Variants in USP6 observed in about 807,000 individuals in gnomAD.
USP6 encodes the protein ubiquitin specific peptidase 6, also known as ubiquitin carboxyl-terminal hydrolase 6.
A neutral mutation model predicts 175.7 loss-of-function variants in USP6; 128 were observed. The ratio of observed to expected loss-of-function variants is 0.73; its 90% CI spans 0.63 to 0.84. The LOEUF is 0.84. Among genes scored for constraint, USP6 ranks in the 40% least tolerant of loss-of-function variants. The pLI is 0.00. For synonymous variants in USP6, 562 were observed against 630.6 expected, an observed-to-expected ratio of 0.89 and a Z score of 1.63; for missense variants, 1,498 against 1,760.3, an observed-to-expected ratio of 0.85 and a Z score of 2.67.
chr17:5,159,084 C>T (rs1227927380), intron 31 of USP6, among the ~76,000 whole-genome samples: 1 of 152,022 alleles, frequency 6.6e-6, no homozygotes, highest in Non-Finnish European at 1.5e-5. Flanking sequence ...ATTAAATGGA[C>T]AAAATCCTGG....
rs1344535109 is a variant in USP6 at position 5,155,428 on chromosome 17, A to G, written c.2650A>G (p.Thr884Ala). 6.2e-7 allele frequency: 1 copy of G among 1,613,980 alleles called. No individual in the cohort carries two copies. The highest frequency in any genetic ancestry group is 1.1e-5 in the South Asian group (1 of 91,042). Residue 884 changes from threonine (T) to alanine (A), a missense_variant, in exon 31 of 38, where the codon ACA (threonine) becomes GCA (alanine). Around this residue, in one of 2 missense-constraint regions of USP6, gnomAD observed 1,217 missense variants for 1,500.8 expected, o/e 0.81. Transcript: ENST00000574788. ...TTCTCGTTTGTACATACAGATGAGG[A>G]CAGAACTGTATTTCCTGTCACCTCA... ...IIAVHRKMMR[T>A]ELYFLSPQEN...
chr17:5,130,835 C>T (rs1373403996), intron 11 of USP6, 151 bp downstream of exon 11: 3 of 1,208,852 alleles, frequency 2.5e-6, no homozygotes, highest in South Asian at 2.6e-5. Context: ...CCTGGCTCCC[C>T]TGCAGGTCCA....
Position 5,147,067 on chromosome 17 carries a change from G to A in USP6, c.2320-16G>A, listed in dbSNP as rs1242666528. ...TGAAACATCTCCCCCTTCTCATCTT[G>A]CTGCTGTTTCTGTAGAACTTTCCTC... On this transcript the variant is annotated splice_polypyrimidine_tract_variant and intron_variant, in intron 28 of 37. Transcript: ENST00000574788. 5 of 1,601,756 alleles carry A rather than the reference G, an allele frequency of 3.1e-6. No homozygotes were observed. In the South Asian group the frequency reaches 5.6e-5, roughly 18 times the overall value.
At position 5,142,112 on chromosome 17, in the gene USP6, C is replaced by T; in HGVS notation, c.1683C>T (p.Ile561=). The T allele has an allele frequency of 6.2e-7, 1 of 1,613,384 alleles. No individual in the cohort carries two copies. Among genetic ancestry groups the T allele is most frequent in the Non-Finnish European group, 8.5e-7 (1 of 1,179,702 alleles). ...SNTQPLTQYF[I]SGRHLYELNR... is the part of the protein sequence containing the mutation. ...CACAGCCACTGACACAGTATTTTAT[C>T]TCAGGGAGACATCTTTATGAACTCA... The change falls in exon 24 of 38, where the codon ATC becomes ATT. Residue 561 remains isoleucine (I), a synonymous_variant. Transcript: ENST00000574788.
chr17:5,137,259 G>T (rs1172475640), intron 19 of USP6, 73 bp downstream of exon 19: 1 of 1,572,398 alleles, frequency 6.4e-7, no homozygotes, highest in Non-Finnish European at 8.7e-7. Flanking sequence ...CCAGCCCGGG[G>T]GTCTGGCTCA....
intron 4 of USP6, among the ~76,000 whole-genome samples, chr17:5,123,950 C>T (rs1208330983): frequency 6.6e-6 from 1 of 152,040 alleles, no homozygotes; most frequent in Non-Finnish European, 1.5e-5. Flanking sequence ...TGATCAAGGG[C>T]ACCCAGGGCA....
chr17:5,167,792 T>G, intron 33 of USP6, 140 bp from the exon 34 acceptor site: 1 of 1,075,082 alleles, frequency 9.3e-7, no homozygotes, highest in East Asian at 2.6e-5. Context: ...GCCTGAGCCA[T>G]CATACCCAGC....
At position 5,137,223 on chromosome 17, in the gene USP6, T is replaced by A. The variant is rs566095172; in HGVS notation, c.825+37T>A. ...TAGGGAGACCCTGGCTCAGGGACCC[T>A]CCTTGCCCTGCAGTGCCGTGCTTCC... On this transcript the variant is annotated intron_variant, in intron 19 of 37. Transcript: ENST00000574788. 2.8e-4 allele frequency: 447 copies of A among 1,607,614 alleles called. 5 individuals are homozygous for A. The South Asian group carries it at 4.6e-3, about 16-fold the overall frequency.
chr17:5,162,875 C>T lies in USP6; in HGVS notation c.2916-9C>T, dbSNP rs772097636. ...TTTCTTCCTCTGTGGATCTTTCCCC[C>T]CTTTTTAGATTTTGCAGAGGCTGTA... On this transcript the variant is annotated splice_polypyrimidine_tract_variant and intron_variant, in intron 32 of 37. Coordinates refer to ENST00000574788, the MANE Select transcript of USP6 (RefSeq NM_001304284.2). The T allele has an allele frequency of 3.8e-6, 6 of 1,590,218 alleles. No individual in the cohort carries two copies. The highest frequency in any genetic ancestry group is 5.1e-6 in the Non-Finnish European group (6 of 1,174,704).
Position 5,166,102 on chromosome 17 carries a change from C to T in USP6, c.3037-1830C>T, listed in dbSNP as rs548114976. Among the ~76,000 whole-genome samples, 12 of 152,208 alleles carry T rather than the reference C, an allele frequency of 7.9e-5. No individual in the cohort carries two copies. In the South Asian group the frequency reaches 1.2e-3, roughly 16 times the overall value. ...CCCCTTTTTCTACTCATTCCAACAA[C>T]GATGATACAGCACGTTTCCTTTTGA... On this transcript the variant is annotated intron_variant, in intron 33 of 37. Transcript: ENST00000574788.
At chr17:5,151,431 A>ATATG (rs1491164535) in intron 30 of USP6, among the ~76,000 whole-genome samples, 8 of 146,566 alleles carry the variant, frequency 5.5e-5, no homozygotes, top group Non-Finnish European at 9.1e-5. Flanking sequence ...CAAAGTCTGC[A>ATATG]TGTGTGTGTG....
intron 31 of USP6, among the ~76,000 whole-genome samples, chr17:5,158,784 C>G (rs957083060): frequency 6.6e-6 from 1 of 152,068 alleles, no homozygotes; most frequent in African/African-American, 2.4e-5. Flanking sequence ...GGGAATTGCC[C>G]ACTGGATTTG....
rs1367526166 is a variant in USP6 at position 5,130,377 on chromosome 17, G to A, written c.10G>A (p.Val4Ile). 1 of 1,614,172 alleles carries A rather than the reference G, an allele frequency of 6.2e-7. No homozygotes were observed. The stretch of plus-strand genomic sequence containing the variant: ...AATTTTGTCTCACAGGATGGACATG[G>A]TAGAGAATGCAGATAGTTTGCAGGC... Reference protein sequence around the residue: MDMVENADSLQAQE... With the variant: MDMIENADSLQAQE... Residue 4 changes from valine (V) to isoleucine (I), a missense_variant, in exon 10 of 38, where the codon GTA becomes ATA. Val to Ile is a conservative substitution (Grantham distance 29). Coordinates refer to ENST00000574788, the MANE Select transcript of USP6 (RefSeq NM_001304284.2).
At position 5,148,708 on chromosome 17, in the gene USP6, A is replaced by G. The variant is rs144524600; in HGVS notation, c.2584A>G (p.Met862Val). The G allele has an allele frequency of 1.9e-5, 31 of 1,613,946 alleles. No homozygotes were observed. The South Asian group carries it at 2.5e-4, about 13-fold the overall frequency. ...CACAAATGGAATGGTTAATGGTCACATGCCATCTCTTCCTGACAGCCCCTT... is the reference window on the plus strand; with the variant it reads ...CACAAATGGAATGGTTAATGGTCACGTGCCATCTCTTCCTGACAGCCCCTT... ...NFTNGMVNGH[M>V]PSLPDSPFTG... Residue 862 changes from methionine to valine, a missense_variant, in exon 30 of 38, where the codon ATG becomes GTG. Around this residue, in one of 2 missense-constraint regions of USP6, gnomAD observed 1,217 missense variants for 1,500.8 expected, o/e 0.81. Coordinates refer to ENST00000574788, the MANE Select transcript of USP6 (RefSeq NM_001304284.2).
At chr17:5,128,326 C>A (rs1164009858) in intron 7 of USP6, 2 of 152,068 alleles carry the variant, frequency 1.3e-5, no homozygotes, top group Non-Finnish European at 2.9e-5. Context: ...GAGAGAAATA[C>A]CCAGTTAAAA....
At chr17:5,130,206 A>G in intron 9 of USP6, 117 bp downstream of exon 9, 1 of 659,660 alleles carries the variant, frequency 1.5e-6, no homozygotes, top group Non-Finnish European at 2.7e-6. Flanking sequence ...GCAGAGACCC[A>G]TGGAGGTGTG....
intron 22 of USP6, 125 bp downstream of exon 22, chr17:5,139,799 C>T (rs1300493888): frequency 1.3e-6 from 2 of 1,594,896 alleles, no homozygotes; most frequent in African/African-American, 1.3e-5. Context: ...GCAGTGCGCT[C>T]CCACTTCAGG....
At chr17:5,163,137 T>C (rs1220447806) in intron 33 of USP6, 133 bp downstream of exon 33, 2 of 1,321,332 alleles carry the variant, frequency 1.5e-6, no homozygotes, top group Non-Finnish European at 2.0e-6. Context: ...CTATGGCACC[T>C]AATATATTGA....
intron 19 of USP6, 44 bp downstream of exon 19, chr17:5,137,230 C>A (rs1347011944): frequency 1.2e-6 from 2 of 1,604,090 alleles, no homozygotes; most frequent in Non-Finnish European, 1.7e-6. Flanking sequence ...CCCTCCTTGC[C>A]CTGCAGTGCC....
Sources: gnomAD v4.1 joint callset for allele counts (sites outside exome capture counted in the v4.1 genomes callset) on GRCh38, gnomAD v4.1.1 for gene constraint, gnomAD v4.1.1 regional missense constraint, MANE v1.5 for transcripts, NCBI Gene and HGNC (gene_info 2026-07-23, HGNC 2026-07-21) for gene names.